Variants in HEMK2 observed in about 807,000 individuals in gnomAD.
HEMK2 encodes HemK methyltransferase 2, ETF1 glutamine and histone H4 lysine.
the HEMK2 span, among the ~76,000 whole-genome samples, chr21:28,810,365 A>G: frequency 6.6e-5 from 10 of 152,176 alleles, no homozygotes; most frequent in Non-Finnish European, 1.5e-4. Flanking sequence ...ACAGTCATGG[A>G]AGCTTTCATT....
At chr21:28,621,440 T>C in the HEMK2 span, among the ~76,000 whole-genome samples, 8 of 152,210 alleles carry the variant, frequency 5.3e-5, no homozygotes, top group South Asian at 1.7e-3. Flanking sequence ...GGTGTATATA[T>C]ATTTAGGACA....
the HEMK2 span, among the ~76,000 whole-genome samples, chr21:28,852,625 G>A: frequency 6.6e-6 from 1 of 152,050 alleles, no homozygotes; most frequent in African/African-American, 2.4e-5. Context: ...AGTGTAGTGG[G>A]GTCCTTACAC....
the HEMK2 span, among the ~76,000 whole-genome samples, chr21:28,737,060 T>C: frequency 3.9e-4 from 60 of 152,158 alleles, no homozygotes; most frequent in Middle Eastern, 3.4e-3. Flanking sequence ...TACAAAATGA[T>C]TGGGGTTGAG....
chr21:28,845,317 G>A, the HEMK2 span, among the ~76,000 whole-genome samples: 6 of 151,998 alleles, frequency 3.9e-5, no homozygotes, highest in African/African-American at 1.4e-4. Context: ...CCAACCACAT[G>A]ATTATGATGC....
At chr21:28,724,511 T>C in the HEMK2 span, among the ~76,000 whole-genome samples, 531 of 152,376 alleles carry the variant, frequency 3.5e-3, 1 homozygote, top group African/African-American at 0.012. Context: ...TAATAGAACA[T>C]GATTTTTATT....
the HEMK2 span, among the ~76,000 whole-genome samples, chr21:28,883,545 G>T: frequency 0.47 from 71,851 of 151,914 alleles, 19,843 homozygotes; most frequent in Non-Finnish European, 0.62. Context: ...AGAATTAAAA[G>T]GTCCCCCAAT....
the HEMK2 span, among the ~76,000 whole-genome samples, chr21:28,868,444 G>A: frequency 0.035 from 5,281 of 152,300 alleles, 117 homozygotes; most frequent in Middle Eastern, 0.11. Context: ...CACTTTGGGA[G>A]GCCGAGGTGG....
At chr21:28,660,305 A>T in the HEMK2 span, among the ~76,000 whole-genome samples, 6 of 151,614 alleles carry the variant, frequency 4.0e-5, no homozygotes, top group African/African-American at 1.2e-4. Context: ...TGGAAATGAT[A>T]AAAAAACTTC....
the HEMK2 span, among the ~76,000 whole-genome samples, chr21:28,755,792 C>T: frequency 2.6e-5 from 4 of 152,300 alleles, no homozygotes; most frequent in South Asian, 2.1e-4. Flanking sequence ...ATAAGAGCAA[C>T]GCCATTTCTG....
chr21:28,866,113 T>C, the HEMK2 span, among the ~76,000 whole-genome samples: 1 of 131,520 alleles, frequency 7.6e-6, no homozygotes, highest in Non-Finnish European at 1.6e-5. Context: ...GAGACCAGCC[T>C]GGGCAACATG....
the HEMK2 span, among the ~76,000 whole-genome samples, chr21:28,694,751 G>A: frequency 6.6e-6 from 1 of 152,122 alleles, no homozygotes; most frequent in African/African-American, 2.4e-5. Flanking sequence ...TAGCACTTTG[G>A]AAGGCTGAGG....
chr21:28,655,662 A>G, the HEMK2 span, among the ~76,000 whole-genome samples: 1 of 152,052 alleles, frequency 6.6e-6, no homozygotes, highest in African/African-American at 2.4e-5. Context: ...GATAAGGATA[A>G]TAATATCTAC....
chr21:28,822,679 A>T, the HEMK2 span, among the ~76,000 whole-genome samples: 1 of 152,096 alleles, frequency 6.6e-6, no homozygotes, highest in Non-Finnish European at 1.5e-5. Flanking sequence ...AGCTGGAGCC[A>T]TTCCTTTCCC....
chr21:28,842,847 T>C, the HEMK2 span, among the ~76,000 whole-genome samples: 1 of 152,154 alleles, frequency 6.6e-6, no homozygotes, highest in Non-Finnish European at 1.5e-5. Context: ...AGGTAGATAT[T>C]AGTTAGGAGG....
the HEMK2 span, among the ~76,000 whole-genome samples, chr21:28,784,038 C>T: frequency 2.0e-5 from 3 of 152,196 alleles, no homozygotes; most frequent in Non-Finnish European, 2.9e-5. Context: ...TGAGCCTCCC[C>T]CCACGGCGGT....
the HEMK2 span, among the ~76,000 whole-genome samples, chr21:28,774,318 G>A: frequency 6.6e-6 from 1 of 152,164 alleles, no homozygotes; most frequent in South Asian, 2.1e-4. Context: ...AGCCCGGTGT[G>A]GTGGCTTCCA....
chr21:28,698,855 A>G, the HEMK2 span, among the ~76,000 whole-genome samples: 1 of 152,322 alleles, frequency 6.6e-6, no homozygotes, highest in Non-Finnish European at 1.5e-5. Context: ...AGATAGATCA[A>G]TTATGTTTTT....
At chr21:28,605,960 A>G in the HEMK2 span, among the ~76,000 whole-genome samples, 2 of 152,184 alleles carry the variant, frequency 1.3e-5, no homozygotes, top group African/African-American at 4.8e-5. Flanking sequence ...CTTTCTCAGT[A>G]CAGTAAATTA....
chr21:28,671,650 C>T, the HEMK2 span, among the ~76,000 whole-genome samples: 3 of 152,160 alleles, frequency 2.0e-5, no homozygotes, highest in East Asian at 3.9e-4. Context: ...GTTTAGAAGA[C>T]TCAGAGTGCT....
Sources: allele counts gnomAD v4.1 joint callset (sites outside exome capture counted in the v4.1 genomes callset), GRCh38; gene constraint gnomAD v4.1.1; transcripts MANE v1.5; gene names NCBI Gene and HGNC (gene_info 2026-07-23, HGNC 2026-07-21).